Variants in ABLIM2 observed in about 807,000 individuals in gnomAD.
ABLIM2 encodes actin-binding LIM protein 2.
A neutral mutation model predicts 97.7 loss-of-function variants in ABLIM2; 53 were observed. That is an observed-to-expected ratio of 0.54 (90% confidence interval 0.44 to 0.68). The LOEUF (loss-of-function observed/expected upper bound fraction) is 0.68, where lower values mean the gene tolerates loss of function less well. ABLIM2 is among the 30% of genes least tolerant of loss of function. The pLI is 0.00. For synonymous variants in ABLIM2, 361 were observed against 345.8 expected (o/e 1.04, Z -0.49); for missense variants, 835 against 867.2 (o/e 0.96, Z 0.47).
chr4:8,104,753 C>T (rs952948752), intron 2 of ABLIM2, among the ~76,000 whole-genome samples: 1 of 152,196 alleles, frequency 6.6e-6, no homozygotes, highest in African/African-American at 2.4e-5. Flanking sequence ...CTCTGACCTC[C>T]TCCAGGGCCA....
At chr4:8,091,216 CT>C (rs1168936057) in intron 3 of ABLIM2, among the ~76,000 whole-genome samples, 1 of 137,458 alleles carries the variant, frequency 7.3e-6, no homozygotes, top group Non-Finnish European at 1.5e-5. Context: ...TTGCATACCC[CT>C]GTGACTAATG....
At chr4:7,982,535 G>GTA (rs1352572062) in intron 20 of ABLIM2, among the ~76,000 whole-genome samples, 1 of 152,214 alleles carries the variant, frequency 6.6e-6, no homozygotes, top group Non-Finnish European at 1.5e-5. Context: ...TCAACAGATC[G>GTA]TATTCAAACA....
intron 14 of ABLIM2, among the ~76,000 whole-genome samples, chr4:8,010,081 T>C (rs1763953692): frequency 6.6e-6 from 1 of 152,174 alleles, no homozygotes; most frequent in South Asian, 2.1e-4. Flanking sequence ...CAACCAGAAA[T>C]GGACTCAATG....
Position 8,106,706 on chromosome 4 carries a change from C to T in ABLIM2, c.11-69G>A, listed in dbSNP as rs146685465. ...GAGGCACAAAGGTGAGCAAAGCAGGCGTGTGAGGACGCACAGCTGACCCTG... is the reference window on the plus strand; with the variant it reads ...GAGGCACAAAGGTGAGCAAAGCAGGTGTGTGAGGACGCACAGCTGACCCTG... On this transcript the variant is annotated intron_variant, in intron 1 of 20. Coordinates refer to ENST00000447017, the MANE Select transcript of ABLIM2 (RefSeq NM_001130083.2). 4,477 of 1,515,986 alleles carry T rather than the reference C, an allele frequency of 3.0e-3. 12 individuals carry two copies. The highest frequency in any genetic ancestry group is 4.6e-3 in the Middle Eastern group (26 of 5,706). The allele number at this position is 1,515,986 out of a possible 1,614,324, so 93.9% of individuals were successfully genotyped here. A position where few individuals can be genotyped will look rare whatever the true frequency, so the allele number is the denominator to read the frequency against.
chr4:7,978,934 C>T (rs1035878822), intron 20 of ABLIM2, among the ~76,000 whole-genome samples: 6 of 152,264 alleles, frequency 3.9e-5, no homozygotes, highest in East Asian at 3.9e-4. Context: ...ACGGCAGGGG[C>T]GCCTCCTGAG....
chr4:8,156,234 C>T (rs1235573083), intron 1 of ABLIM2, among the ~76,000 whole-genome samples: 1 of 151,808 alleles, frequency 6.6e-6, no homozygotes, highest in African/African-American at 2.4e-5. Context: ...TCAACCCCAC[C>T]CCCTACTGGT....
rs1809024135 is a variant in ABLIM2, at chr4:8,067,869, T to C, written c.676-6815A>G. 1 of 152,278 alleles carries C rather than the reference T, an allele frequency of 6.6e-6. No individual in the cohort carries two copies. Among genetic ancestry groups the C allele is most frequent in the Non-Finnish European group, 1.5e-5 (1 of 68,086 alleles). 9.4% of individuals were successfully genotyped at this position (152,278 alleles called of 1,614,324 possible). ...AGAGGACTGTCCCTCCCTCTCAGGC[T>C]GGGGTAGTATAACCGGGCTCTGTGA... On this transcript the variant is annotated intron_variant, in intron 6 of 20. Coordinates refer to ENST00000447017, the MANE Select transcript of ABLIM2 (RefSeq NM_001130083.2). The surrounding 1 kb of genome is among the most constrained non-coding windows in gnomAD (Gnocchi z 5.4).
intron 20 of ABLIM2, among the ~76,000 whole-genome samples, chr4:7,974,386 TCCACCCATCC>T (rs879391016): frequency 0.12 from 13,799 of 111,674 alleles, 762 homozygotes; most frequent in Non-Finnish European, 0.18. Flanking sequence ...CATCCACCCA[TCCACCCATCC>T]ATCCACCCAT....
intron 1 of ABLIM2, among the ~76,000 whole-genome samples, chr4:8,151,856 G>T (rs1203852688): frequency 6.6e-6 from 1 of 151,442 alleles, no homozygotes; most frequent in Non-Finnish European, 1.5e-5. Flanking sequence ...AGGACTTGGG[G>T]TGGGGGTGGG....
chr4:8,095,080 C>A lies in ABLIM2; in HGVS notation c.338+2019G>T, dbSNP rs919562705. Among the ~76,000 whole-genome samples the A allele has an allele frequency of 2.2e-5, 3 of 137,738 alleles. No homozygotes were observed. The highest frequency in any genetic ancestry group is 3.3e-5 in the Non-Finnish European group (2 of 61,140). 90.4% of individuals were successfully genotyped at this position (137,738 alleles called of 152,430 possible). ...TCTTTCTCTTTCTTTCTTTCTCTCT[C>A]TCTCTCTTTCTTTCTTTCTCTTTCC... On this transcript the variant is annotated intron_variant, in intron 3 of 20. Coordinates refer to ENST00000447017, the MANE Select transcript of ABLIM2 (RefSeq NM_001130083.2). This position sits in a 1 kb window ranked among gnomAD's most constrained non-coding sequence, Gnocchi z 4.7.
At chr4:8,013,644 C>T (rs548449461) in intron 14 of ABLIM2, among the ~76,000 whole-genome samples, 148 of 152,336 alleles carry the variant, frequency 9.7e-4, no homozygotes, top group African/African-American at 3.4e-3. Flanking sequence ...GGAACCTTGT[C>T]TGTCTGACCC....
chr4:8,090,705 CT>C lies in ABLIM2; in HGVS notation c.339-2422del, dbSNP rs930692329. 3.4e-4 allele frequency among the ~76,000 whole-genome samples: 52 copies of C among 151,436 alleles called. 1 individual carries two copies. Among genetic ancestry groups the C allele is most frequent in the African/African-American group, 1.2e-3 (48 of 41,200 alleles). ...CACTGTCACCGTGCATTAGATTTGT[CT>C]TTTTTTTTATTTTTATTTTTTTGCG... On this transcript the variant is annotated intron_variant, in intron 3 of 20. Transcript: ENST00000447017.
chr4:8,110,705 G>A (rs1839911186), intron 1 of ABLIM2, among the ~76,000 whole-genome samples: 1 of 152,228 alleles, frequency 6.6e-6, no homozygotes, highest in South Asian at 2.1e-4. Flanking sequence ...CTAAGAGCAT[G>A]GATTTGCTTG....
rs1013507599 is a variant in ABLIM2, at chr4:8,019,909, G to A, written c.1370-238C>T. ...GCAGCCAGGAACCTTGTGGTCCCCC[G>A]GGAAGTGTAGCCAGCTCAGACAGCC... On this transcript the variant is annotated intron_variant, in intron 13 of 20. Transcript: ENST00000447017. This position sits in a 1 kb window ranked among gnomAD's most constrained non-coding sequence, Gnocchi z 4.3. Among the ~76,000 whole-genome samples, 1 of 152,158 alleles carries A rather than the reference G, an allele frequency of 6.6e-6. No individual in the cohort carries two copies. Among genetic ancestry groups the A allele is most frequent in the African/African-American group, 2.4e-5 (1 of 41,430 alleles).
intron 13 of ABLIM2, among the ~76,000 whole-genome samples, 163 bp downstream of exon 13, chr4:8,020,039 T>C (rs977543278): frequency 1.5e-5 from 2 of 129,078 alleles, no homozygotes; most frequent in African/African-American, 5.3e-5. Context: ...TGAAAACCCG[T>C]CTGATGGTTT....
rs75367355 is a variant in ABLIM2, at chr4:8,087,382, GT to G, written c.454+786del. Among the ~76,000 whole-genome samples, 6,392 of 152,130 alleles carry G rather than the reference GT, an allele frequency of 0.042. 204 individuals are homozygous for G. The highest frequency in any genetic ancestry group is 0.13 in the East Asian group (659 of 5,158). ...ACCCCTGACACTTCGGCTGGCATTT[GT>G]TTTTTTTCCACACTAACAACCTCCT... On this transcript the variant is annotated intron_variant, in intron 4 of 20. Transcript: ENST00000447017. This position sits in a 1 kb window ranked among gnomAD's most constrained non-coding sequence, Gnocchi z 4.6.
At chr4:8,007,245 C>T in intron 16 of ABLIM2, 1 of 985,434 alleles carries the variant, frequency 1.0e-6, no homozygotes, top group Non-Finnish European at 1.2e-6. Flanking sequence ...TTCCAGTCTC[C>T]TAACACCTGG....
intron 5 of ABLIM2, among the ~76,000 whole-genome samples, chr4:8,078,275 G>A (rs1218769428): frequency 6.6e-6 from 1 of 152,226 alleles, no homozygotes; most frequent in Admixed American, 6.5e-5. Context: ...CACTTGGAGA[G>A]GCCTGGCCTT....
At chr4:7,980,147 C>G (rs988612497) in intron 20 of ABLIM2, among the ~76,000 whole-genome samples, 31 of 152,114 alleles carry the variant, frequency 2.0e-4, no homozygotes, top group South Asian at 8.3e-4. Flanking sequence ...AATGAACCCC[C>G]CCTCTCTGCC....
Sources: allele counts gnomAD v4.1 joint callset (sites outside exome capture counted in the v4.1 genomes callset), GRCh38; gene constraint gnomAD v4.1.1; non-coding constraint Gnocchi (gnomAD v3.1); transcripts MANE v1.5; gene names NCBI Gene and HGNC (gene_info 2026-07-23, HGNC 2026-07-21).